Variants in UGT2A1 observed in about 807,000 individuals in gnomAD.
UGT2A1 encodes UDP glucuronosyltransferase family 2 member A1 complex locus.
UGT2A1 carries 61 observed loss-of-function variants against 45.4 expected under a neutral mutation model. The ratio of observed to expected loss-of-function variants is 1.34; its 90% CI spans 1.09 to 1.66. The LOEUF is 1.66. Ranked by LOEUF, UGT2A1 falls within the 40% of genes most tolerant of loss-of-function variation. UGT2A1 has a pLI of 0.00. For synonymous variants in UGT2A1, 229 were observed against 196.2 expected (o/e 1.17, Z -1.40); for missense variants, 649 against 574.3 (o/e 1.13, Z -1.33).
Position 69,589,551 on chromosome 4 carries a change from T to C in UGT2A1, c.1405A>G (p.Lys469Glu). Residue 469 changes from lysine to glutamate, a missense_variant, in exon 7 of 7, where the codon AAA becomes GAA. Physicochemically the swap from Lys to Glu is moderately conservative, Grantham distance 56. Transcript: ENST00000286604. ...VFWIEFVMRH[K>E]GAKHLRVAAH... ...GCAACCCGAAGGTGCTTGGCTCCTT[T>C]GTGGCGCATGACAAACTCGATCCAG... is the stretch of plus-strand genomic sequence containing the variant. The C allele has an allele frequency of 6.2e-7, 1 of 1,614,050 alleles. No individual in the cohort carries two copies. Among genetic ancestry groups the C allele is most frequent in the Non-Finnish European group, 8.5e-7 (1 of 1,179,964 alleles).
intron 3 of UGT2A1, among the ~76,000 whole-genome samples, chr4:69,621,262 T>A (rs1720738476): frequency 6.6e-6 from 1 of 152,056 alleles, no homozygotes; most frequent in African/African-American, 2.4e-5. Flanking sequence ...GACAAAGATC[T>A]AATATCCAGT....
chr4:69,633,531 AC>A (rs1721504059), intron 3 of UGT2A1, among the ~76,000 whole-genome samples: 1 of 152,184 alleles, frequency 6.6e-6, no homozygotes, highest in Non-Finnish European at 1.5e-5. Flanking sequence ...AGGTGGCAAA[AC>A]CAAAATAGCC....
At chr4:69,611,158 T>G (rs1337838459) in intron 3 of UGT2A1, among the ~76,000 whole-genome samples, 13 of 151,762 alleles carry the variant, frequency 8.6e-5, no homozygotes, top group Admixed American at 8.5e-4. Flanking sequence ...TTTTGTTTTA[T>G]TTTTTGAGAC....
At chr4:69,594,250 A>C (rs980811399) in intron 6 of UGT2A1, among the ~76,000 whole-genome samples, 5 of 152,134 alleles carry the variant, frequency 3.3e-5, no homozygotes, top group African/African-American at 1.2e-4. Flanking sequence ...CTAGGATTAC[A>C]AGCTTGAGCC....
chr4:69,652,881 A>G lies in UGT2A1; in HGVS notation c.-55+307T>C, dbSNP rs74694101. ...AAGGAACAAACAACTCTCCACTGGT[A>G]GGAACAAAAGGCATGAGAAGAATCC... On this transcript the variant is annotated intron_variant, in intron 1 of 6. Coordinates refer to ENST00000286604, the MANE Select transcript of UGT2A1 (RefSeq NM_001252275.3). Among the ~76,000 whole-genome samples, 163 of 152,294 alleles carry G rather than the reference A, an allele frequency of 1.1e-3. 1 individual carries two copies. The East Asian group carries it at 0.027, about 25-fold the overall frequency.
intron 3 of UGT2A1, among the ~76,000 whole-genome samples, chr4:69,607,166 C>T (rs1719678922): frequency 6.7e-6 from 1 of 148,998 alleles, no homozygotes; most frequent in Admixed American, 6.7e-5. Flanking sequence ...TGACTTCAAA[C>T]TATACTGCAA....
intron 2 of UGT2A1, among the ~76,000 whole-genome samples, chr4:69,639,961 G>A (rs1016373157): frequency 8.6e-5 from 13 of 151,902 alleles, no homozygotes; most frequent in African/African-American, 3.1e-4. Context: ...AACTTTCAGA[G>A]GAAGTTTGCT....
At chr4:69,631,770 A>G (rs537234652) in intron 3 of UGT2A1, among the ~76,000 whole-genome samples, 3 of 152,298 alleles carry the variant, frequency 2.0e-5, no homozygotes, top group African/African-American at 7.2e-5. Context: ...GACTACGGAC[A>G]TATTACTAGG....
intron 3 of UGT2A1, among the ~76,000 whole-genome samples, chr4:69,610,315 C>T (rs1396935592): frequency 2.0e-5 from 3 of 151,974 alleles, no homozygotes; most frequent in Non-Finnish European, 4.4e-5. Flanking sequence ...ATTGCTTAAT[C>T]ATTTAGCATT....
Position 69,603,288 on chromosome 4 carries a change from T to A in UGT2A1, c.848-3894A>T, listed in dbSNP as rs147762820. 1.5e-4 allele frequency among the ~76,000 whole-genome samples: 20 copies of A among 135,366 alleles called. 1 individual carries two copies. In the East Asian group the frequency reaches 3.9e-3, roughly 27 times the overall value. 88.8% of individuals were successfully genotyped at this position (135,366 alleles called of 152,430 possible). ...CAAGAACTAATATAAAGGAAAGCAG[T>A]TAAGATAGTGAAAAAAAACAAAACC... On this transcript the variant is annotated intron_variant, in intron 3 of 6. Transcript: ENST00000286604.
intron 3 of UGT2A1, among the ~76,000 whole-genome samples, chr4:69,619,885 A>C (rs921727421): frequency 2.2e-4 from 33 of 152,176 alleles, no homozygotes; most frequent in Non-Finnish European, 4.0e-4. Context: ...TCATGTAAAC[A>C]GAAACACAAA....
At position 69,589,732 on chromosome 4, in the gene UGT2A1, C is replaced by T; in HGVS notation, c.1305-81G>A. On this transcript the variant is annotated intron_variant, in intron 6 of 6. Transcript: ENST00000286604. ...AAGATAAATATGTGATACACTTTTG[C>T]TCTACAAGTTTAAGGCCATAGTTAC... 3 of 1,520,822 alleles carry T rather than the reference C, an allele frequency of 2.0e-6. No individual in the cohort carries two copies. In the East Asian group the frequency reaches 6.8e-5, roughly 35 times the overall value. The allele number at this position is 1,520,822 out of a possible 1,614,324, so 94.2% of individuals were successfully genotyped here. A position where few individuals can be genotyped will look rare whatever the true frequency, so the allele number is the denominator to read the frequency against.
chr4:69,635,313 C>G (rs1253177985), intron 3 of UGT2A1, among the ~76,000 whole-genome samples: 2 of 152,104 alleles, frequency 1.3e-5, no homozygotes, highest in Non-Finnish European at 2.9e-5. Flanking sequence ...TTTCTGCTCT[C>G]CCGATCTACA....
rs1302009033 is a variant in UGT2A1, at chr4:69,604,068, G to A, written c.848-4674C>T. On this transcript the variant is annotated intron_variant, in intron 3 of 6. Coordinates refer to ENST00000286604, the MANE Select transcript of UGT2A1 (RefSeq NM_001252275.3). ...TTCAAACTCAGGAAATACAGAGAAC[G>A]CCACAAAGATACTCCTCGAGAAGAG... Among the ~76,000 whole-genome samples, 22 of 135,768 alleles carry A rather than the reference G, an allele frequency of 1.6e-4. 8 individuals are homozygous for A. Among genetic ancestry groups the A allele is most frequent in the African/African-American group, 6.0e-4 (20 of 33,324 alleles). The allele number at this position is 135,768 out of a possible 152,430, so 89.1% of individuals were successfully genotyped here. A position where few individuals can be genotyped will look rare whatever the true frequency, so the allele number is the denominator to read the frequency against.
chr4:69,601,112 A>G (rs1409263932), intron 3 of UGT2A1, among the ~76,000 whole-genome samples: 1 of 152,148 alleles, frequency 6.6e-6, no homozygotes, highest in Non-Finnish European at 1.5e-5. Context: ...CTTGCCAAGC[A>G]TGTAGGAGCC....
At chr4:69,616,567 A>T (rs902476799) in intron 3 of UGT2A1, among the ~76,000 whole-genome samples, 9 of 152,000 alleles carry the variant, frequency 5.9e-5, no homozygotes, top group African/African-American at 2.2e-4. Flanking sequence ...CCCCACCAAC[A>T]AAAAGGAACT....
At chr4:69,641,973 G>A (rs1319717550) in intron 2 of UGT2A1, among the ~76,000 whole-genome samples, 1 of 151,658 alleles carries the variant, frequency 6.6e-6, no homozygotes, top group Non-Finnish European at 1.5e-5. Flanking sequence ...CTCCTACACT[G>A]ACAGACTGGG....
chr4:69,645,030 G>A (rs573041628), intron 2 of UGT2A1, among the ~76,000 whole-genome samples: 2 of 151,708 alleles, frequency 1.3e-5, no homozygotes, highest in South Asian at 4.2e-4. Context: ...AGTGCACTTC[G>A]TCATCTTTAA....
intron 3 of UGT2A1, among the ~76,000 whole-genome samples, chr4:69,600,703 G>A (rs1371394967): frequency 6.6e-6 from 1 of 152,032 alleles, no homozygotes; most frequent in Non-Finnish European, 1.5e-5. Flanking sequence ...TTCTGGGGAG[G>A]CCTCAGGAAG....
Sources: gnomAD v4.1 joint callset for allele counts (sites outside exome capture counted in the v4.1 genomes callset) on GRCh38, gnomAD v4.1.1 for gene constraint, MANE v1.5 for transcripts, NCBI Gene and HGNC (gene_info 2026-07-23, HGNC 2026-07-21) for gene names.